SGCZ: variants seen among roughly 807,000 people sequenced by gnomAD.
SGCZ encodes the protein zeta-sarcoglycan.
A neutral mutation model predicts 41.3 loss-of-function variants in SGCZ; 40 were observed. The ratio of observed to expected loss-of-function variants is 0.97; its 90% CI spans 0.75 to 1.26. The LOEUF is 1.26. Ranked by LOEUF, SGCZ falls within the 50% of genes most tolerant of loss-of-function variation. The probability of loss-of-function intolerance (pLI) is 0.00; values close to 1 mark genes in which losing one functional copy is unlikely to be tolerated. For missense variants in SGCZ, 552 were observed against 369.8 expected (o/e 1.49, Z -4.04); for synonymous variants, 206 against 137.5 (o/e 1.50, Z -3.49).
chr8:14,464,486 ATTTT>A (rs35544350), intron 2 of SGCZ, among the ~76,000 whole-genome samples: 1 of 135,932 alleles, frequency 7.4e-6, no homozygotes, highest in African/African-American at 2.6e-5. Flanking sequence ...TTTGAGTGGT[ATTTT>A]TTTTTTTTTT....
At chr8:15,064,792 C>T (rs1024833494) in intron 1 of SGCZ, among the ~76,000 whole-genome samples, 3 of 152,122 alleles carry the variant, frequency 2.0e-5, no homozygotes, top group African/African-American at 4.8e-5. Flanking sequence ...CTGCAGGGCC[C>T]GATTAAATCC....
At chr8:14,159,241 A>G (rs1585188549) in intron 5 of SGCZ, among the ~76,000 whole-genome samples, 1 of 152,228 alleles carries the variant, frequency 6.6e-6, no homozygotes, top group East Asian at 1.9e-4. Flanking sequence ...TGATATAACC[A>G]CTTTTTTGGT....
At chr8:14,309,288 A>G in intron 3 of SGCZ, 1 of 1,572,202 alleles carries the variant, frequency 6.4e-7, no homozygotes, top group Non-Finnish European at 8.7e-7. Context: ...CCTGGCTGTG[A>G]CTACTCACTT....
At chr8:14,632,728 A>C (rs1806699588) in intron 1 of SGCZ, among the ~76,000 whole-genome samples, 2 of 152,040 alleles carry the variant, frequency 1.3e-5, no homozygotes, top group Non-Finnish European at 2.9e-5. Flanking sequence ...GTGAAACTTG[A>C]TTTGCTTTTA....
chr8:15,083,381 C>G (rs972980629), intron 1 of SGCZ, among the ~76,000 whole-genome samples: 1 of 152,084 alleles, frequency 6.6e-6, no homozygotes, highest in Admixed American at 6.6e-5. Context: ...ATAGCCTAAA[C>G]TTTTTTCATT....
chr8:14,821,482 C>T (rs1802081954), intron 1 of SGCZ, among the ~76,000 whole-genome samples: 1 of 151,896 alleles, frequency 6.6e-6, no homozygotes, highest in South Asian at 2.1e-4. Flanking sequence ...CAGCATTATC[C>T]TGATTCCAAA....
At chr8:14,862,125 C>A (rs1803770900) in intron 1 of SGCZ, among the ~76,000 whole-genome samples, 1 of 152,008 alleles carries the variant, frequency 6.6e-6, no homozygotes, top group Admixed American at 6.6e-5. Flanking sequence ...ATTCCCAGTG[C>A]CTGAGCTACC....
intron 5 of SGCZ, among the ~76,000 whole-genome samples, chr8:14,140,466 G>A (rs1192963041): frequency 3.3e-5 from 5 of 152,146 alleles, no homozygotes; most frequent in African/African-American, 9.7e-5. Context: ...AGCAACTTCA[G>A]CAAAGTCTCA....
chr8:14,959,939 G>C (rs1207310702), intron 1 of SGCZ, among the ~76,000 whole-genome samples: 2 of 152,092 alleles, frequency 1.3e-5, no homozygotes, highest in Non-Finnish European at 2.9e-5. Flanking sequence ...GATTACCATG[G>C]GGCTGAGCAA....
intron 4 of SGCZ, among the ~76,000 whole-genome samples, chr8:14,216,365 C>T (rs965804835): frequency 1.3e-5 from 2 of 151,988 alleles, no homozygotes; most frequent in African/African-American, 2.4e-5. Flanking sequence ...TCGTCTCCTC[C>T]GAATCACAGG....
chr8:14,696,684 C>T (rs1163168768), intron 1 of SGCZ, among the ~76,000 whole-genome samples: 1 of 151,874 alleles, frequency 6.6e-6, no homozygotes, highest in African/African-American at 2.4e-5. Flanking sequence ...TATGAATTTG[C>T]TTTTTTGAGT....
At chr8:14,715,559 CA>C (rs1388339174) in intron 1 of SGCZ, among the ~76,000 whole-genome samples, 3 of 143,474 alleles carry the variant, frequency 2.1e-5, no homozygotes, top group African/African-American at 2.7e-5. Context: ...CACACACACA[CA>C]AACATGCACA....
At chr8:14,427,057 T>TGGAGTGAATGAAG (rs1554516811) in intron 2 of SGCZ, among the ~76,000 whole-genome samples, 2 of 142,878 alleles carry the variant, frequency 1.4e-5, no homozygotes, top group African/African-American at 5.2e-5. Context: ...AATGAATGAA[T>TGGAGTGAATGAAG]GAATGAATGA....
chr8:15,012,388 A>G (rs1179397775), intron 1 of SGCZ, among the ~76,000 whole-genome samples: 1 of 150,736 alleles, frequency 6.6e-6, no homozygotes, highest in African/African-American at 2.4e-5. Flanking sequence ...ACTTGACCCC[A>G]GGAGGTTCAT....
chr8:14,161,668 T>A, intron 5 of SGCZ, among the ~76,000 whole-genome samples: 1 of 152,162 alleles, frequency 6.6e-6, no homozygotes, highest in East Asian at 1.9e-4. Flanking sequence ...ATTTTATTAT[T>A]TTATTAAGAT....
intron 1 of SGCZ, among the ~76,000 whole-genome samples, chr8:14,637,330 C>G (rs1806864894): frequency 6.6e-6 from 1 of 150,754 alleles, no homozygotes; most frequent in Non-Finnish European, 1.5e-5. Flanking sequence ...TTAATTTCAA[C>G]TTTTATTTTA....
intron 4 of SGCZ, among the ~76,000 whole-genome samples, chr8:14,234,693 A>G (rs57230445): frequency 0.025 from 3,860 of 152,236 alleles, 59 homozygotes; most frequent in East Asian, 0.037. Context: ...GAAATAGACA[A>G]GGAGGGTTAG....
rs146658702 is a variant in SGCZ at position 15,196,252 on chromosome 8, T to A, written c.39+41333A>T. Among the ~76,000 whole-genome samples the A allele has an allele frequency of 1.2e-3, 186 of 152,328 alleles. 1 individual carries two copies. The highest frequency in any genetic ancestry group is 4.2e-3 in the African/African-American group (176 of 41,582). On this transcript the variant is annotated intron_variant, in intron 1 of 7. Coordinates refer to ENST00000382080, the MANE Select transcript of SGCZ (RefSeq NM_139167.4). Reference sequence around the variant, plus strand: ...CCCAAATGCCACCTTATAAATCAGATGCCACTGTTTTAAATACAAAGATGT... The same window carrying A: ...CCCAAATGCCACCTTATAAATCAGAAGCCACTGTTTTAAATACAAAGATGT...
At chr8:14,546,808 A>T (rs532245325) in intron 2 of SGCZ, among the ~76,000 whole-genome samples, 512 of 152,300 alleles carry the variant, frequency 3.4e-3, no homozygotes, top group Non-Finnish European at 5.6e-3. Flanking sequence ...AAGAATTTAA[A>T]TTTAAATTTA....
Sources: gnomAD v4.1 joint callset for allele counts (sites outside exome capture counted in the v4.1 genomes callset) on GRCh38, gnomAD v4.1.1 for gene constraint, MANE v1.5 for transcripts, NCBI Gene and HGNC (gene_info 2026-07-23, HGNC 2026-07-21) for gene names.